Variants in LRP1B observed in about 807,000 individuals in gnomAD.
The protein encoded by LRP1B is low-density lipoprotein receptor-related protein 1B.
Under a neutral mutation model 556.6 loss-of-function variants are expected in LRP1B, and 217 were observed. The ratio of observed to expected loss-of-function variants is 0.39; its 90% CI spans 0.35 to 0.44. LRP1B has a LOEUF of 0.44. Ranked by LOEUF, LRP1B falls within the 20% of genes least tolerant of loss-of-function variation. The probability of loss-of-function intolerance (pLI) is 1.00; values close to 1 mark genes in which losing one functional copy is unlikely to be tolerated. For missense variants in LRP1B, 5,053 were observed against 5,620.8 expected (o/e 0.90, Z 3.23); for synonymous variants, 2,047 against 1,865.8 (o/e 1.10, Z -2.50).
At chr2:140,735,604 G>A (rs573897659) in intron 35 of LRP1B, among the ~76,000 whole-genome samples, 2 of 152,220 alleles carry the variant, frequency 1.3e-5, no homozygotes, top group Admixed American at 6.5e-5. Context: ...GTCTTTGAGG[G>A]GTTTGGCTCC....
chr2:141,550,826 A>G (rs1307372111), intron 2 of LRP1B, among the ~76,000 whole-genome samples: 1 of 152,096 alleles, frequency 6.6e-6, no homozygotes, highest in African/African-American at 2.4e-5. Context: ...AAATTCCAGA[A>G]CAAGTCCTCA....
intron 3 of LRP1B, among the ~76,000 whole-genome samples, chr2:141,473,049 T>A (rs562964571): frequency 6.6e-6 from 1 of 152,284 alleles, no homozygotes; most frequent in East Asian, 1.9e-4. Flanking sequence ...CTTAGTTAGC[T>A]AGCTGCCCCT....
At chr2:141,922,809 A>AT (rs1024193477) in intron 1 of LRP1B, among the ~76,000 whole-genome samples, 2 of 152,140 alleles carry the variant, frequency 1.3e-5, no homozygotes, top group Non-Finnish European at 2.9e-5. Context: ...AATGGGAATG[A>AT]TAAAAAGTAG....
intron 43 of LRP1B, among the ~76,000 whole-genome samples, chr2:140,549,936 C>T (rs1207201248): frequency 6.6e-6 from 1 of 152,006 alleles, no homozygotes; most frequent in Admixed American, 6.6e-5. Context: ...TATACACGTG[C>T]CATGGTGGCT....
intron 77 of LRP1B, among the ~76,000 whole-genome samples, chr2:140,340,793 A>C (rs16843812): frequency 0.14 from 21,649 of 151,410 alleles, 2,015 homozygotes; most frequent in East Asian, 0.33. Context: ...AACATTCCAG[A>C]ATAGAAGAGC....
intron 20 of LRP1B, among the ~76,000 whole-genome samples, chr2:140,949,589 T>C (rs1419810011): frequency 6.6e-6 from 1 of 152,120 alleles, no homozygotes; most frequent in Admixed American, 6.6e-5. Flanking sequence ...CCTTTCTTTT[T>C]TTTTTATATA....
intron 86 of LRP1B, among the ~76,000 whole-genome samples, chr2:140,258,272 G>T (rs182065305): frequency 6.1e-4 from 92 of 151,576 alleles, no homozygotes; most frequent in South Asian, 4.2e-3. Context: ...GAATGTCCCT[G>T]TGGTACTTAC....
intron 3 of LRP1B, among the ~76,000 whole-genome samples, chr2:141,398,751 T>A (rs187434067): frequency 1.6e-3 from 250 of 152,330 alleles, no homozygotes; most frequent in Non-Finnish European, 3.1e-3. Context: ...AGAGAAACAC[T>A]GTCCAAATGA....
chr2:141,181,267 A>G (rs1375534351), intron 7 of LRP1B, among the ~76,000 whole-genome samples: 1 of 151,970 alleles, frequency 6.6e-6, no homozygotes, highest in East Asian at 1.9e-4. Flanking sequence ...ATTATCCTGG[A>G]AAGAATACAC....
chr2:141,609,851 C>A (rs1342730360), intron 2 of LRP1B, among the ~76,000 whole-genome samples: 1 of 152,154 alleles, frequency 6.6e-6, no homozygotes, highest in Non-Finnish European at 1.5e-5. Flanking sequence ...AATCTAATCC[C>A]TAATGTTAGA....
chr2:141,040,551 G>A (rs182167271), intron 11 of LRP1B, among the ~76,000 whole-genome samples: 2 of 152,126 alleles, frequency 1.3e-5, no homozygotes, highest in East Asian at 1.9e-4. Context: ...GCCTGTCCTA[G>A]GGTTATTTAG....
intron 68 of LRP1B, among the ~76,000 whole-genome samples, chr2:140,374,086 A>T (rs1396847794): frequency 6.6e-6 from 1 of 152,164 alleles, no homozygotes; most frequent in Non-Finnish European, 1.5e-5. Context: ...TACAGATTTT[A>T]TGTGGAAGTC....
rs182293126 is a variant in LRP1B, at chr2:140,383,295, T to C, written c.10531+2598A>G. On this transcript the variant is annotated intron_variant, in intron 67 of 90. Transcript: ENST00000389484. ...TAATGTATTAGGACAGTGATGTGCG[T>C]GTGTGTGTGTGTGTGTGTGTGTGTG... Among the ~76,000 whole-genome samples the C allele has an allele frequency of 2.0e-3, 237 of 118,662 alleles. 1 individual carries two copies. Among genetic ancestry groups the C allele is most frequent in the Admixed American group, 5.8e-3 (76 of 12,998 alleles). The allele number at this position is 118,662 out of a possible 152,430, so 77.8% of individuals were successfully genotyped here.
At chr2:141,850,477 G>C (rs1697809835) in intron 1 of LRP1B, among the ~76,000 whole-genome samples, 1 of 150,972 alleles carries the variant, frequency 6.6e-6, no homozygotes, top group Non-Finnish European at 1.5e-5. Context: ...ACTAAAAATG[G>C]TCATTTTATT....
intron 41 of LRP1B, among the ~76,000 whole-genome samples, chr2:140,665,797 T>C (rs1685245925): frequency 6.6e-6 from 1 of 152,110 alleles, no homozygotes; most frequent in African/African-American, 2.4e-5. Context: ...AGAGTTGTTG[T>C]TCTTATGTAA....
At chr2:141,308,374 C>A (rs968079966) in intron 3 of LRP1B, among the ~76,000 whole-genome samples, 1 of 152,132 alleles carries the variant, frequency 6.6e-6, no homozygotes, top group Non-Finnish European at 1.5e-5. Flanking sequence ...ATCTTTCATG[C>A]TCATAACAGT....
At chr2:140,412,771 CG>C (rs1685020008) in intron 66 of LRP1B, among the ~76,000 whole-genome samples, 1 of 151,730 alleles carries the variant, frequency 6.6e-6, no homozygotes, top group Admixed American at 6.6e-5. Context: ...AAATGTTTGC[CG>C]TTTTTTACAT....
chr2:141,118,008 T>C (rs183217345), intron 7 of LRP1B, among the ~76,000 whole-genome samples: 3 of 152,078 alleles, frequency 2.0e-5, no homozygotes, highest in Non-Finnish European at 2.9e-5. Flanking sequence ...ACTGTCTTTG[T>C]TCAGTGCTTA....
chr2:141,904,475 ATTT>A (rs1214987880), intron 1 of LRP1B, among the ~76,000 whole-genome samples: 1 of 151,798 alleles, frequency 6.6e-6, no homozygotes, highest in East Asian at 1.9e-4. Context: ...AGGGCATACG[ATTT>A]GGAGCTTGGA....
Sources: gnomAD v4.1 joint callset for allele counts (sites outside exome capture counted in the v4.1 genomes callset) on GRCh38, gnomAD v4.1.1 for gene constraint, MANE v1.5 for transcripts, NCBI Gene and HGNC (gene_info 2026-07-23, HGNC 2026-07-21) for gene names.